PCNX1: variants seen among roughly 807,000 people sequenced by gnomAD.
PCNX1 encodes the protein pecanex-like protein 1.
PCNX1 carries 78 observed loss-of-function variants against 242.2 expected under a neutral mutation model. The observed-to-expected ratio is 0.32, with a 90% CI of 0.27 to 0.39. The LOEUF (loss-of-function observed/expected upper bound fraction) is 0.39, where lower values mean the gene tolerates loss of function less well. Among genes scored for constraint, PCNX1 ranks in the 10% least tolerant of loss-of-function variants. The pLI, the probability that PCNX1 is intolerant of heterozygous loss-of-function variation, is 1.00. For synonymous variants in PCNX1, 1,024 were observed against 1,032.9 expected, an observed-to-expected ratio of 0.99 and a Z score of 0.17; for missense variants, 2,581 against 2,856.5, an observed-to-expected ratio of 0.90 and a Z score of 2.20.
At position 71,073,527 on chromosome 14, in the gene PCNX1, TC is replaced by T. The variant is rs1431337420; in HGVS notation, c.4853-17del. ...TTCTGGTTTTCCCCCTTTGTAAAGC[TC>T]TCTCTCTCTCTCTAAGGTACCTACT... is the stretch of plus-strand genomic sequence containing the variant. On this transcript the variant is annotated splice_polypyrimidine_tract_variant and intron_variant, in intron 26 of 35. Coordinates refer to ENST00000304743, the MANE Select transcript of PCNX1 (RefSeq NM_014982.3). The T allele has an allele frequency of 7.4e-7, 1 of 1,350,264 alleles. No homozygotes were observed. The highest frequency in any genetic ancestry group is 1.0e-6 in the Non-Finnish European group (1 of 989,252). 83.6% of individuals were successfully genotyped at this position (1,350,264 alleles called of 1,614,324 possible). A position where few individuals can be genotyped will look rare whatever the true frequency, so the allele number is the denominator to read the frequency against.
chr14:70,939,558 C>T (rs138687193), intron 1 of PCNX1, among the ~76,000 whole-genome samples: 5 of 152,126 alleles, frequency 3.3e-5, no homozygotes, highest in South Asian at 2.1e-4. Context: ...CCAACTGTGT[C>T]GTCAGTTTTG....
intron 19 of PCNX1, among the ~76,000 whole-genome samples, chr14:71,040,038 C>T (rs2060660279): frequency 6.6e-6 from 1 of 152,128 alleles, no homozygotes; most frequent in Non-Finnish European, 1.5e-5. Flanking sequence ...TCTAGAACTC[C>T]TGAGCTCAAG....
intron 35 of PCNX1, 99 bp downstream of exon 35, chr14:71,109,691 A>G: frequency 6.3e-7 from 1 of 1,574,952 alleles, no homozygotes; most frequent in Non-Finnish European, 8.7e-7. Flanking sequence ...TAAACGTATA[A>G]TTTTCAGACA....
At position 70,907,808 on chromosome 14, in the gene PCNX1, ACGGCGGCGG is replaced by A. The variant is rs749537800; in HGVS notation, c.-31_-23del. 128 of 1,216,744 alleles carry A rather than the reference ACGGCGGCGG, an allele frequency of 1.1e-4. 1 individual carries two copies. Among genetic ancestry groups the A allele is most frequent in the Non-Finnish European group, 1.2e-4 (115 of 978,512 alleles). 75.4% of individuals were successfully genotyped at this position (1,216,744 alleles called of 1,614,324 possible). A position where few individuals can be genotyped will look rare whatever the true frequency, so the allele number is the denominator to read the frequency against. ...AGGCCGAGCTGGGGCCGGGGCGGGG[ACGGCGGCGG>A]CGGCGGCGGCGACGGCGGCGGCGCC... is the stretch of plus-strand genomic sequence containing the variant. On this transcript the variant is annotated 5_prime_UTR_variant, in exon 1 of 36. Transcript: ENST00000304743.
chr14:70,917,962 A>C (rs1294186273), intron 1 of PCNX1, among the ~76,000 whole-genome samples: 1 of 149,428 alleles, frequency 6.7e-6, no homozygotes, highest in Non-Finnish European at 1.5e-5. Flanking sequence ...GTAAACTTTT[A>C]TGTTATGGCA....
At chr14:70,943,840 C>T (rs2140278330) in intron 1 of PCNX1, among the ~76,000 whole-genome samples, 1 of 152,230 alleles carries the variant, frequency 6.6e-6, no homozygotes, top group East Asian at 1.9e-4. Context: ...CTGCATCCCA[C>T]CTGTGGTTAA....
At chr14:70,992,813 G>T (rs949146291) in intron 7 of PCNX1, among the ~76,000 whole-genome samples, 2 of 152,144 alleles carry the variant, frequency 1.3e-5, no homozygotes, top group African/African-American at 4.8e-5. Flanking sequence ...ATTAGTTTAG[G>T]ATAAAGTGCA....
intron 33 of PCNX1, among the ~76,000 whole-genome samples, chr14:71,106,089 C>T (rs983759335): frequency 3.3e-5 from 5 of 152,006 alleles, no homozygotes; most frequent in Admixed American, 2.6e-4. Context: ...TCTCGGCTCA[C>T]TGCAAGCTCT....
At chr14:70,979,460 G>A (rs2058773915) in intron 6 of PCNX1, among the ~76,000 whole-genome samples, 1 of 152,054 alleles carries the variant, frequency 6.6e-6, no homozygotes, top group Non-Finnish European at 1.5e-5. Flanking sequence ...TTCTGCCCAA[G>A]ATAGTTTGTT....
At chr14:71,007,929 C>T (rs2059712273) in intron 8 of PCNX1, among the ~76,000 whole-genome samples, 1 of 151,898 alleles carries the variant, frequency 6.6e-6, no homozygotes, top group Non-Finnish European at 1.5e-5. Flanking sequence ...ATTAGAGGTG[C>T]TAAGGATGAA....
intron 30 of PCNX1, among the ~76,000 whole-genome samples, chr14:71,096,921 G>A (rs1259710779): frequency 6.6e-6 from 1 of 152,122 alleles, no homozygotes; most frequent in Non-Finnish European, 1.5e-5. Context: ...TGTGGAGTTA[G>A]CAGTATCTCC....
chr14:70,941,654 A>G (rs1293067322), intron 1 of PCNX1, among the ~76,000 whole-genome samples: 2 of 152,116 alleles, frequency 1.3e-5, no homozygotes, highest in Non-Finnish European at 2.9e-5. Context: ...ACTCTCTTCA[A>G]AGTTGTCAGA....
At chr14:71,053,636 T>C (rs1240396255) in intron 24 of PCNX1, among the ~76,000 whole-genome samples, 1 of 152,088 alleles carries the variant, frequency 6.6e-6, no homozygotes, top group Non-Finnish European at 1.5e-5. Context: ...TTAAAAATTA[T>C]TGGAAACACC....
At chr14:70,925,469 A>T (rs1297685452) in intron 1 of PCNX1, among the ~76,000 whole-genome samples, 1 of 152,052 alleles carries the variant, frequency 6.6e-6, no homozygotes, top group Non-Finnish European at 1.5e-5. Context: ...ATTTTACAGA[A>T]ATATTTCTGT....
intron 15 of PCNX1, 52 bp from the exon 16 acceptor site, chr14:71,028,648 A>T (rs2060300200): frequency 9.5e-7 from 1 of 1,048,826 alleles, no homozygotes; most frequent in South Asian, 1.4e-5. Flanking sequence ...CCTTTTAATT[A>T]TTTTCATATA....
At chr14:70,913,112 C>G (rs1244957272) in intron 1 of PCNX1, among the ~76,000 whole-genome samples, 1 of 152,194 alleles carries the variant, frequency 6.6e-6, no homozygotes, top group Non-Finnish European at 1.5e-5. Context: ...TCCTCCACTT[C>G]CATACCTTGT....
At chr14:71,055,284 A>C (rs7143595) in intron 24 of PCNX1, among the ~76,000 whole-genome samples, 3 of 151,872 alleles carry the variant, frequency 2.0e-5, no homozygotes, top group Non-Finnish European at 4.4e-5. Flanking sequence ...TAAAAAAAAA[A>C]CTGCTATGTT....
intron 1 of PCNX1, among the ~76,000 whole-genome samples, chr14:70,931,549 T>C (rs1281830367): frequency 1.3e-5 from 2 of 152,228 alleles, no homozygotes; most frequent in Non-Finnish European, 1.5e-5. Context: ...TTGTGTGTTT[T>C]CCCCATGTCT....
chr14:70,955,254 T>C (rs1566617568), intron 2 of PCNX1, among the ~76,000 whole-genome samples: 1 of 152,238 alleles, frequency 6.6e-6, no homozygotes, highest in South Asian at 2.1e-4. Context: ...GTAATGCTTA[T>C]GATATTGTAA....
Sources: allele counts gnomAD v4.1 joint callset (sites outside exome capture counted in the v4.1 genomes callset), GRCh38; gene constraint gnomAD v4.1.1; transcripts MANE v1.5; gene names NCBI Gene and HGNC (gene_info 2026-07-23, HGNC 2026-07-21).